Variants in NOL4 observed in about 807,000 individuals in gnomAD.
NOL4 encodes the protein cancer/testis antigen 125.
In NOL4, 17 loss-of-function variants were observed where a neutral mutation model predicts 75.9. The ratio of observed to expected loss-of-function variants is 0.22; its 90% confidence interval spans 0.15 to 0.34. The LOEUF is 0.34. NOL4 is among the 10% of genes least tolerant of loss of function. The pLI is 1.00. For missense variants in NOL4, 614 were observed against 793.5 expected (o/e 0.77, Z 2.72); for synonymous variants, 292 against 289.9 (o/e 1.01, Z -0.07).
intron 6 of NOL4, among the ~76,000 whole-genome samples, chr18:34,008,092 AAAAG>A (rs1290275599): frequency 6.6e-6 from 1 of 152,014 alleles, no homozygotes; most frequent in Non-Finnish European, 1.5e-5. Flanking sequence ...GGGCCCAAAT[AAAAG>A]AAAGAGGTGG....
At chr18:34,168,832 A>G (rs1236849729) in intron 1 of NOL4, among the ~76,000 whole-genome samples, 1 of 151,912 alleles carries the variant, frequency 6.6e-6, no homozygotes, top group African/African-American at 2.4e-5. Flanking sequence ...GGGAAGGTGA[A>G]TAAAAAATAA....
At chr18:34,132,176 C>T (rs2080683599) in intron 1 of NOL4, among the ~76,000 whole-genome samples, 1 of 152,190 alleles carries the variant, frequency 6.6e-6, no homozygotes, top group South Asian at 2.1e-4. Context: ...GTTTTTCTCT[C>T]TGGTGAGGAC....
intron 1 of NOL4, among the ~76,000 whole-genome samples, chr18:34,170,947 T>C (rs2032972355): frequency 6.6e-6 from 1 of 152,318 alleles, no homozygotes; most frequent in African/African-American, 2.4e-5. Flanking sequence ...ACATCCAGTT[T>C]GCTATAAATA....
rs2145145037 is a variant in NOL4 at position 34,062,353 on chromosome 18, C to G, written c.772+31112G>C. Among the ~76,000 whole-genome samples the G allele has an allele frequency of 1.3e-5, 2 of 152,134 alleles. 1 individual carries two copies. The highest frequency in any genetic ancestry group is 4.2e-4 in the South Asian group (2 of 4,812). On this transcript the variant is annotated intron_variant, in intron 5 of 10. Coordinates refer to ENST00000261592, the MANE Select transcript of NOL4 (RefSeq NM_003787.5). ...AATAAGAGATATTAGTTATATACTTCAGATAACCAGAAATGTAACACTGAA... is the reference window on the plus strand; with the variant it reads ...AATAAGAGATATTAGTTATATACTTGAGATAACCAGAAATGTAACACTGAA...
At chr18:34,060,951 G>A (rs185211973) in intron 5 of NOL4, among the ~76,000 whole-genome samples, 30 of 152,290 alleles carry the variant, frequency 2.0e-4, no homozygotes, top group Non-Finnish European at 1.5e-5. Context: ...TTCCTGCCTT[G>A]CTGCTTGATG....
At chr18:33,995,055 A>G (rs983540158) in intron 6 of NOL4, among the ~76,000 whole-genome samples, 2 of 151,642 alleles carry the variant, frequency 1.3e-5, no homozygotes, top group African/African-American at 4.8e-5. Context: ...TACACAAACT[A>G]CTGAAACTGA....
At chr18:33,863,591 G>T (rs1237202285) in intron 10 of NOL4, among the ~76,000 whole-genome samples, 1 of 152,020 alleles carries the variant, frequency 6.6e-6, no homozygotes, top group Non-Finnish European at 1.5e-5. Context: ...GATCTTCTTT[G>T]ACTCATGTCT....
chr18:34,000,968 A>T (rs2073655632), intron 6 of NOL4, among the ~76,000 whole-genome samples: 1 of 152,182 alleles, frequency 6.6e-6, no homozygotes, highest in South Asian at 2.1e-4. Flanking sequence ...ACATGAATAT[A>T]GAAAATGTAA....
intron 6 of NOL4, among the ~76,000 whole-genome samples, chr18:33,959,964 T>A (rs1600061435): frequency 6.6e-6 from 1 of 152,012 alleles, no homozygotes; most frequent in Non-Finnish European, 1.5e-5. Flanking sequence ...TGTGCGTGTA[T>A]GCACATGTGT....
At chr18:34,098,047 TG>T (rs1271423024) in intron 4 of NOL4, among the ~76,000 whole-genome samples, 2 of 152,060 alleles carry the variant, frequency 1.3e-5, no homozygotes, top group African/African-American at 4.8e-5. Flanking sequence ...TAAAGGAGGT[TG>T]GGGTTTTTTT....
At chr18:34,001,350 A>T (rs1008131857) in intron 6 of NOL4, among the ~76,000 whole-genome samples, 1 of 152,180 alleles carries the variant, frequency 6.6e-6, no homozygotes, top group Non-Finnish European at 1.5e-5. Context: ...CGCAATTCCA[A>T]ACTACATAAT....
chr18:34,170,534 A>G (rs1276456773), intron 1 of NOL4, among the ~76,000 whole-genome samples: 1 of 152,136 alleles, frequency 6.6e-6, no homozygotes, highest in Non-Finnish European at 1.5e-5. Context: ...CTCCCTTCAT[A>G]ATTGTTTTGA....
At chr18:34,181,151 T>C (rs2033998277) in intron 1 of NOL4, among the ~76,000 whole-genome samples, 1 of 151,492 alleles carries the variant, frequency 6.6e-6, no homozygotes, top group East Asian at 1.9e-4. Context: ...GGAGAACTCA[T>C]GCTACCAAAT....
intron 9 of NOL4, among the ~76,000 whole-genome samples, chr18:33,912,038 T>A (rs1198066744): frequency 6.6e-6 from 1 of 152,106 alleles, no homozygotes; most frequent in Non-Finnish European, 1.5e-5. Flanking sequence ...TACACTTTAG[T>A]CAATTCTCTT....
chr18:33,927,353 C>A (rs2067403647), intron 9 of NOL4, among the ~76,000 whole-genome samples: 1 of 152,162 alleles, frequency 6.6e-6, no homozygotes, highest in Non-Finnish European at 1.5e-5. Context: ...ATATTCCTAT[C>A]ATTTTTCTCC....
chr18:33,906,272 C>T (rs1187050611), intron 9 of NOL4, among the ~76,000 whole-genome samples: 1 of 152,174 alleles, frequency 6.6e-6, no homozygotes, highest in Non-Finnish European at 1.5e-5. Flanking sequence ...CATGCTGGCA[C>T]CCAGATATCT....
chr18:34,218,063 A>T (rs1795281669), intron 1 of NOL4, among the ~76,000 whole-genome samples: 1 of 151,968 alleles, frequency 6.6e-6, no homozygotes, highest in Non-Finnish European at 1.5e-5. Flanking sequence ...ATAACCTAAA[A>T]CATAGTAGAT....
At position 34,038,379 on chromosome 18, in the gene NOL4, C is replaced by G. The variant is rs575524713; in HGVS notation, c.773-18778G>C. Among the ~76,000 whole-genome samples, 93 of 152,154 alleles carry G rather than the reference C, an allele frequency of 6.1e-4. 1 individual carries two copies. The highest frequency in any genetic ancestry group is 1.2e-3 in the Non-Finnish European group (80 of 67,944). On this transcript the variant is annotated intron_variant, in intron 5 of 10. Transcript: ENST00000261592. ...AGAACTACCATATGATCCAGCAATC[C>G]TACTACTGGATATCCATCCAAAGGA...
At chr18:33,933,950 T>TA (rs1428164747) in intron 9 of NOL4, among the ~76,000 whole-genome samples, 2 of 152,138 alleles carry the variant, frequency 1.3e-5, no homozygotes, top group African/African-American at 4.8e-5. Flanking sequence ...GAGGAATCAC[T>TA]AGCGATGGCA....
Sources: gnomAD v4.1 joint callset for allele counts (sites outside exome capture counted in the v4.1 genomes callset) on GRCh38, gnomAD v4.1.1 for gene constraint, MANE v1.5 for transcripts, NCBI Gene and HGNC (gene_info 2026-07-23, HGNC 2026-07-21) for gene names.